JAK2: variants seen among roughly 807,000 people sequenced by gnomAD.
The protein encoded by JAK2 is Janus kinase 2.
A neutral mutation model predicts 139.3 loss-of-function variants in JAK2; 86 were observed. The ratio of observed to expected loss-of-function variants is 0.62; its 90% CI spans 0.52 to 0.74. The LOEUF is 0.74. JAK2 is among the 30% of genes least tolerant of loss of function. The probability of loss-of-function intolerance (pLI) is 0.00; values close to 1 mark genes in which losing one functional copy is unlikely to be tolerated. For missense variants in JAK2, 1,421 were observed against 1,360.3 expected, an observed-to-expected ratio of 1.04 and a Z score of -0.70; for synonymous variants, 490 against 437.7, an observed-to-expected ratio of 1.12 and a Z score of -1.49.
Position 5,129,049 on chromosome 9 carries a change from G to C in JAK2, c.*2258G>C, listed in dbSNP as rs1824181407. 6.6e-6 allele frequency among the ~76,000 whole-genome samples: 1 copy of C among 151,976 alleles called. No individual in the cohort carries two copies. Among genetic ancestry groups the C allele is most frequent in the Admixed American group, 6.6e-5 (1 of 15,250 alleles). On this transcript the variant is annotated 3_prime_UTR_variant, in exon 25 of 25. Coordinates refer to ENST00000381652, the MANE Select transcript of JAK2 (RefSeq NM_004972.4). ...TAACACTATAATTTGCTATGGAAGA[G>C]TGTTCTTTTAACCTAAGGCTTCTAG...
chr9:5,077,557 T>C lies in JAK2; in HGVS notation c.1969T>C (p.Leu657=). The C allele has an allele frequency of 6.7e-7, 1 of 1,492,404 alleles. No homozygotes were observed. Among genetic ancestry groups the C allele is most frequent in the Non-Finnish European group, 8.9e-7 (1 of 1,122,170 alleles). The allele number at this position is 1,492,404 out of a possible 1,614,324, so 92.4% of individuals were successfully genotyped here. The change falls in exon 15 of 25, where the codon TTG becomes CTG. Residue 657 remains leucine (L), a synonymous_variant. Transcript: ENST00000381652. ...ILWKLEVAKQ[L]AWAMHFLEEN... Reference sequence around the variant, plus strand: ...ATGGAAACTTGAAGTTGCTAAACAGTTGGCATGGGCCATGCATTTTCTAGT... The same window carrying C: ...ATGGAAACTTGAAGTTGCTAAACAGCTGGCATGGGCCATGCATTTTCTAGT...
Position 5,022,143 on chromosome 9 carries a change from A to C in JAK2, c.156A>C (p.Ala52=). 1.9e-6 allele frequency: 3 copies of C among 1,614,228 alleles called. No homozygotes were observed. The highest frequency in any genetic ancestry group is 2.5e-6 in the Non-Finnish European group (3 of 1,180,026). ...ACCATTCCCTTGGGAAATCTGAGGC[A>C]GATTATCTGACCTTTCCATCTGGGG... ...YLYHSLGKSE[A]DYLTFPSGEY... Residue 52 remains alanine, a synonymous_variant, in exon 3 of 25, where the codon GCA becomes GCC. Transcript: ENST00000381652.
chr9:5,088,787 C>T (rs1371294986), intron 19 of JAK2, among the ~76,000 whole-genome samples: 1 of 152,190 alleles, frequency 6.6e-6, no homozygotes, highest in Non-Finnish European at 1.5e-5. Flanking sequence ...AGAGATTGCT[C>T]TAATGTCTCT....
intron 22 of JAK2, among the ~76,000 whole-genome samples, chr9:5,096,257 T>C (rs1025163881): frequency 6.6e-6 from 1 of 152,188 alleles, no homozygotes; most frequent in African/African-American, 2.4e-5. Flanking sequence ...ATTCTAGTTA[T>C]AACTTAGAAA....
At chr9:5,022,525 T>A (rs1164943221) in intron 3 of JAK2, among the ~76,000 whole-genome samples, 3 of 152,192 alleles carry the variant, frequency 2.0e-5, no homozygotes, top group Non-Finnish European at 4.4e-5. Context: ...TAAAGCTAGA[T>A]CCTGAGAGCA....
rs2130378230 is a variant in JAK2 at position 5,050,728 on chromosome 9, A to G, written c.511A>G (p.Thr171Ala). The G allele has an allele frequency of 6.2e-7, 1 of 1,613,436 alleles. No homozygotes were observed. The highest frequency in any genetic ancestry group is 8.5e-7 in the Non-Finnish European group (1 of 1,179,460). Residue 171 changes from threonine to alanine, a missense_variant, in exon 6 of 25, where the codon ACT becomes GCT. By Grantham distance (58) the Thr-to-Ala change is moderately conservative. Transcript: ENST00000381652. Reference protein sequence around the residue: ...FVHGWIKVPVTHETQEECLGM... With the variant: ...FVHGWIKVPVAHETQEECLGM... Reference sequence around the variant, plus strand: ...GCACGGATGGATAAAAGTACCTGTGACTCATGAAACACAGGAAGAATGTCT... The same window carrying G: ...GCACGGATGGATAAAAGTACCTGTGGCTCATGAAACACAGGAAGAATGTCT...
At chr9:4,992,170 G>A (rs369243331) in intron 2 of JAK2, among the ~76,000 whole-genome samples, 4 of 152,278 alleles carry the variant, frequency 2.6e-5, no homozygotes, top group African/African-American at 9.6e-5. Context: ...TCACATGATG[G>A]GTAGTTGATG....
At chr9:5,023,029 C>T (rs1216619065) in intron 3 of JAK2, among the ~76,000 whole-genome samples, 1 of 152,176 alleles carries the variant, frequency 6.6e-6, no homozygotes, top group African/African-American at 2.4e-5. Flanking sequence ...TTTCAAGTTC[C>T]TTCTAGCTAT....
intron 16 of JAK2, among the ~76,000 whole-genome samples, chr9:5,079,380 A>C (rs144598461): frequency 6.6e-6 from 1 of 152,290 alleles, no homozygotes; most frequent in East Asian, 1.9e-4. Context: ...AGACCACAGA[A>C]ACTTTACTTG....
At chr9:5,018,558 T>G (rs755887637) in intron 2 of JAK2, among the ~76,000 whole-genome samples, 1 of 152,086 alleles carries the variant, frequency 6.6e-6, no homozygotes. Flanking sequence ...AGGCTGCTCT[T>G]GAACTCCTGG....
At chr9:5,055,346 G>A (rs1295915859) in intron 7 of JAK2, among the ~76,000 whole-genome samples, 1 of 151,920 alleles carries the variant, frequency 6.6e-6, no homozygotes. Flanking sequence ...GATTTAGAGG[G>A]ATCATTTTTT....
chr9:5,111,532 C>T (rs566217015), intron 22 of JAK2: 14 of 369,912 alleles, frequency 3.8e-5, no homozygotes, highest in South Asian at 2.5e-4. Flanking sequence ...CGCCCAGCAG[C>T]GCCTGTCCCG....
intron 22 of JAK2, chr9:5,114,191 C>T: frequency 2.1e-6 from 1 of 465,748 alleles, no homozygotes. Flanking sequence ...AAGGGGTGAG[C>T]ACCTACCTGA....
intron 9 of JAK2, among the ~76,000 whole-genome samples, chr9:5,066,036 T>A (rs1164002683): frequency 6.6e-6 from 1 of 152,192 alleles, no homozygotes; most frequent in Admixed American, 6.5e-5. Flanking sequence ...ATTCAAACAT[T>A]CTTTTATTTA....
At chr9:5,115,723 A>G (rs1381065704) in intron 22 of JAK2, among the ~76,000 whole-genome samples, 2 of 152,262 alleles carry the variant, frequency 1.3e-5, no homozygotes, top group African/African-American at 4.8e-5. Flanking sequence ...ATGGAATACT[A>G]TGCAGCCATA....
chr9:5,118,123 T>G (rs1192284820), intron 22 of JAK2, among the ~76,000 whole-genome samples: 5 of 152,220 alleles, frequency 3.3e-5, no homozygotes, highest in Admixed American at 6.5e-5. Context: ...ACCTCGCCAC[T>G]GCACTCCAGC....
chr9:5,123,239 C>A (rs911362388), intron 23 of JAK2, 118 bp downstream of exon 23: 21 of 601,812 alleles, frequency 3.5e-5, no homozygotes, highest in Admixed American at 5.8e-5. Flanking sequence ...GAAGTCAGAG[C>A]TTTTAGGGTA....
Position 5,123,003 on chromosome 9 carries a change from G to A in JAK2, c.3060-1G>A. On this transcript the variant is annotated splice_acceptor_variant, in intron 22 of 24. Transcript: ENST00000381652. LOFTEE classifies it high-confidence loss of function. ...TTTAAATGTTATTCATATATTTACA[G>A]GTATGCTCCAGAATCACTGACAGAG... The A allele has an allele frequency of 1.3e-6, 2 of 1,594,900 alleles. No individual in the cohort carries two copies. The highest frequency in any genetic ancestry group is 2.2e-5 in the East Asian group (1 of 44,728).
At chr9:5,032,713 C>T (rs897483181) in intron 4 of JAK2, among the ~76,000 whole-genome samples, 8 of 152,204 alleles carry the variant, frequency 5.3e-5, no homozygotes, top group Non-Finnish European at 1.0e-4. Context: ...AACTAACAAA[C>T]AGAAATGACA....
Sources: gnomAD v4.1 joint callset for allele counts (sites outside exome capture counted in the v4.1 genomes callset) on GRCh38, gnomAD v4.1.1 for gene constraint, MANE v1.5 for transcripts, NCBI Gene and HGNC (gene_info 2026-07-23, HGNC 2026-07-21) for gene names.